GPHN: variants seen among roughly 807,000 people sequenced by gnomAD.
The protein encoded by GPHN is gephyrin.
GPHN carries 17 observed loss-of-function variants against 95.5 expected under a neutral mutation model. The ratio of observed to expected loss-of-function variants is 0.18; its 90% CI spans 0.12 to 0.27. The LOEUF (loss-of-function observed/expected upper bound fraction) is 0.27, where lower values mean the gene tolerates loss of function less well. Ranked by LOEUF, GPHN falls within the 10% of genes least tolerant of loss-of-function variation. The pLI, the probability that GPHN is intolerant of heterozygous loss-of-function variation, is 1.00. For missense variants in GPHN, 660 were observed against 978.1 expected (o/e 0.67, Z 4.34); for synonymous variants, 320 against 322.5 (o/e 0.99, Z 0.08).
chr14:67,195,823 C>T, the GPHN span, among the ~76,000 whole-genome samples: 1 of 151,270 alleles, frequency 6.6e-6, no homozygotes, highest in Non-Finnish European at 1.5e-5. Flanking sequence ...AGCTCACTGC[C>T]ATCTCCGCCT....
chr14:66,606,656 A>T (rs775327218), intron 1 of GPHN, among the ~76,000 whole-genome samples: 5 of 152,068 alleles, frequency 3.3e-5, no homozygotes, highest in African/African-American at 4.8e-5. Context: ...TTATTTCAGC[A>T]GTGTTTTGTA....
At chr14:67,555,703 G>C in the GPHN span, 1 of 1,418,812 alleles carries the variant, frequency 7.0e-7, no homozygotes, top group Non-Finnish European at 9.6e-7. Flanking sequence ...CGAGCCACTT[G>C]AGATGGGCAC....
intron 10 of GPHN, among the ~76,000 whole-genome samples, chr14:67,033,497 G>C (rs1004084222): frequency 2.6e-5 from 4 of 151,962 alleles, no homozygotes; most frequent in African/African-American, 9.7e-5. Flanking sequence ...CCAGGAGGTG[G>C]AAGTTTCAGT....
At chr14:67,726,988 C>T in the GPHN span, 6 of 1,612,444 alleles carry the variant, frequency 3.7e-6, no homozygotes, top group African/African-American at 8.0e-5. Flanking sequence ...CAGGCCACTT[C>T]CTCCTCACCT....
At chr14:66,866,274 AC>A (rs895230570) in intron 4 of GPHN, among the ~76,000 whole-genome samples, 12 of 152,054 alleles carry the variant, frequency 7.9e-5, no homozygotes, top group Non-Finnish European at 1.8e-4. Flanking sequence ...CTTTTTTTTA[AC>A]GTAGGTTGAA....
intron 1 of GPHN, among the ~76,000 whole-genome samples, chr14:66,661,448 T>A: frequency 6.6e-6 from 1 of 151,972 alleles, no homozygotes; most frequent in East Asian, 1.9e-4. Flanking sequence ...CCAAATCCTC[T>A]TCTTGGGTGT....
At chr14:66,815,641 T>TACC (rs1197061364) in intron 3 of GPHN, among the ~76,000 whole-genome samples, 1 of 152,164 alleles carries the variant, frequency 6.6e-6, no homozygotes, top group African/African-American at 2.4e-5. Context: ...CAGACCTACC[T>TACC]TACAAGAGCT....
At chr14:66,832,798 A>C (rs1233868415) in intron 4 of GPHN, among the ~76,000 whole-genome samples, 3 of 152,208 alleles carry the variant, frequency 2.0e-5, no homozygotes, top group African/African-American at 7.2e-5. Context: ...TCAGGCAAAA[A>C]GATTTATTCA....
intron 13 of GPHN, among the ~76,000 whole-genome samples, chr14:67,107,649 C>T (rs909855207): frequency 6.6e-6 from 1 of 152,140 alleles, no homozygotes; most frequent in African/African-American, 2.4e-5. Context: ...CCCTAGACCC[C>T]TGGATGGTGG....
intron 13 of GPHN, among the ~76,000 whole-genome samples, chr14:67,101,551 C>A (rs116750298): frequency 0.013 from 1,984 of 151,132 alleles, 53 homozygotes; most frequent in African/African-American, 0.045. Flanking sequence ...CAAGGTCTTC[C>A]TTTTAAATAA....
chr14:67,171,182 C>G (rs1490445007), intron 21 of GPHN, among the ~76,000 whole-genome samples: 2 of 151,364 alleles, frequency 1.3e-5, no homozygotes, highest in African/African-American at 2.4e-5. Flanking sequence ...CACCCTGCCT[C>G]TAAAAAAATT....
At chr14:66,913,834 T>G (rs1029401934) in intron 5 of GPHN, among the ~76,000 whole-genome samples, 5 of 152,322 alleles carry the variant, frequency 3.3e-5, no homozygotes, top group African/African-American at 1.2e-4. Context: ...AAAACTTTGG[T>G]GCTTATAGTT....
intron 6 of GPHN, among the ~76,000 whole-genome samples, chr14:66,919,456 CCAAACG>C (rs1190068001): frequency 6.6e-6 from 1 of 152,028 alleles, no homozygotes; most frequent in Non-Finnish European, 1.5e-5. Context: ...TCACCGAAGC[CCAAACG>C]GGCTCAATCT....
chr14:66,778,890 C>A (rs111747655), intron 3 of GPHN, among the ~76,000 whole-genome samples: 78 of 151,642 alleles, frequency 5.1e-4, no homozygotes, highest in African/African-American at 1.6e-3. Context: ...CACATGACAC[C>A]ACACCCAGCT....
the GPHN span, among the ~76,000 whole-genome samples, chr14:67,635,982 G>A: frequency 1.7e-4 from 26 of 152,292 alleles, no homozygotes; most frequent in East Asian, 5.0e-3. Context: ...AAGTGAGGAT[G>A]CAGAGTCTTT....
chr14:67,075,528 G>C (rs752865888), intron 11 of GPHN, among the ~76,000 whole-genome samples: 3 of 152,136 alleles, frequency 2.0e-5, no homozygotes, highest in Non-Finnish European at 4.4e-5. Flanking sequence ...ACTTGCCATA[G>C]ATAGTGATTC....
intron 1 of GPHN, among the ~76,000 whole-genome samples, chr14:66,656,377 G>T (rs949769836): frequency 1.3e-5 from 2 of 152,146 alleles, no homozygotes; most frequent in Non-Finnish European, 2.9e-5. Context: ...AAACTGATGT[G>T]TGTAGAGTGG....
At chr14:67,144,250 A>AAATATAT (rs1168342196) in intron 18 of GPHN, among the ~76,000 whole-genome samples, 29 of 57,760 alleles carry the variant, frequency 5.0e-4, no homozygotes, top group Non-Finnish European at 6.6e-4. Flanking sequence ...AAAAAAAAAA[A>AAATATAT]ATATATATAT....
intron 2 of GPHN, among the ~76,000 whole-genome samples, chr14:66,701,827 C>A (rs1285772311): frequency 1.3e-5 from 2 of 152,198 alleles, no homozygotes; most frequent in Admixed American, 1.3e-4. Flanking sequence ...CTGTCTAAGC[C>A]ATTTGAGATC....
Sources: allele counts gnomAD v4.1 joint callset (sites outside exome capture counted in the v4.1 genomes callset), GRCh38; gene constraint gnomAD v4.1.1; transcripts MANE v1.5; gene names NCBI Gene and HGNC (gene_info 2026-07-23, HGNC 2026-07-21).